The following MX2 variants were observed in gnomAD, a reference collection of about 807,000 sequenced individuals.
The protein encoded by MX2 is interferon-induced GTP-binding protein Mx2.
A neutral mutation model predicts 74.0 loss-of-function variants in MX2; 51 were observed. The ratio of observed to expected loss-of-function variants is 0.69; its 90% confidence interval spans 0.55 to 0.87. The LOEUF (loss-of-function observed/expected upper bound fraction) is 0.87, where lower values mean the gene tolerates loss of function less well. MX2 is among the 40% of genes least tolerant of loss of function. The pLI, the probability that MX2 is intolerant of heterozygous loss-of-function variation, is 0.00. For synonymous variants in MX2, 369 were observed against 339.3 expected, an observed-to-expected ratio of 1.09 and a Z score of -0.96; for missense variants, 832 against 908.7, an observed-to-expected ratio of 0.92 and a Z score of 1.09.
chr21:41,372,194 C>T (rs1601393764), intron 1 of MX2, among the ~76,000 whole-genome samples: 1 of 152,168 alleles, frequency 6.6e-6, no homozygotes, highest in South Asian at 2.1e-4. Flanking sequence ...ATATTGGTTG[C>T]AGATGAGATA....
intron 1 of MX2, chr21:41,373,784 G>T (rs1339863012): frequency 1.4e-5 from 2 of 141,516 alleles, no homozygotes; most frequent in Admixed American, 1.4e-4. Context: ...AGCAGGCCTT[G>T]CTTTCCCAGA....
At chr21:41,379,177 CCTT>C (rs1228926300) in intron 3 of MX2, among the ~76,000 whole-genome samples, 1 of 152,190 alleles carries the variant, frequency 6.6e-6, no homozygotes, top group African/African-American at 2.4e-5. Flanking sequence ...GATGGCCAGT[CCTT>C]CTCCGTGCTC....
chr21:41,364,021 G>A (rs978804875), intron 1 of MX2: 3 of 154,560 alleles, frequency 1.9e-5, no homozygotes, highest in African/African-American at 7.2e-5. Flanking sequence ...TCATCTGCAG[G>A]ACAGGCTCTC....
At chr21:41,401,483 T>G (rs187877853) in intron 10 of MX2, 3 of 152,836 alleles carry the variant, frequency 2.0e-5, no homozygotes, top group Non-Finnish European at 4.4e-5. Context: ...TGGAGCACAG[T>G]GGTGTGATCA....
intron 6 of MX2, among the ~76,000 whole-genome samples, chr21:41,394,626 C>T (rs1363628291): frequency 2.0e-5 from 3 of 152,138 alleles, no homozygotes; most frequent in African/African-American, 7.2e-5. Context: ...GACTTACCCA[C>T]AAATTAAAAC....
intron 1 of MX2, among the ~76,000 whole-genome samples, chr21:41,371,681 CG>C (rs1423970981): frequency 1.3e-5 from 2 of 152,168 alleles, no homozygotes; most frequent in Non-Finnish European, 2.9e-5. Flanking sequence ...GAGACGGTCA[CG>C]CCAATAGCCT....
At chr21:41,378,262 G>A (rs1352733777) in intron 3 of MX2, among the ~76,000 whole-genome samples, 1 of 142,370 alleles carries the variant, frequency 7.0e-6, no homozygotes, top group Non-Finnish European at 1.5e-5. Context: ...TGCTGGGAGG[G>A]ACAGGCCATT....
At chr21:41,377,212 G>T (rs1483982109) in intron 2 of MX2, 57 bp downstream of exon 2, 15 of 1,598,026 alleles carry the variant, frequency 9.4e-6, no homozygotes, top group African/African-American at 1.3e-5. Context: ...GGTGCAGAGG[G>T]CTGTCATGTA....
chr21:41,369,140 C>T (rs550138750), intron 1 of MX2, among the ~76,000 whole-genome samples: 6 of 152,340 alleles, frequency 3.9e-5, no homozygotes, highest in South Asian at 2.1e-4. Flanking sequence ...TTTTACGAAC[C>T]CAGGGCTAGT....
chr21:41,399,065 GTGGC>G, intron 9 of MX2, 46 bp downstream of exon 9: 1 of 1,599,306 alleles, frequency 6.3e-7, no homozygotes, highest in Non-Finnish European at 8.6e-7. Flanking sequence ...TCCTTCCCTG[GTGGC>G]CCTGCAGCTG....
chr21:41,381,437 G>GGCT (rs774255154), intron 4 of MX2, among the ~76,000 whole-genome samples: 142 of 152,298 alleles, frequency 9.3e-4, no homozygotes, highest in Admixed American at 3.0e-3. Flanking sequence ...TGTAATCCCA[G>GGCT]CACTTTGGGA....
chr21:41,371,060 A>G (rs1264310210), intron 1 of MX2, among the ~76,000 whole-genome samples: 1 of 152,240 alleles, frequency 6.6e-6, no homozygotes, highest in Non-Finnish European at 1.5e-5. Context: ...AGTAAATTAG[A>G]AAACGTGGTT....
At chr21:41,386,219 C>CAAAAAAAAAA (rs59005802) in intron 5 of MX2, among the ~76,000 whole-genome samples, 3 of 32,022 alleles carry the variant, frequency 9.4e-5, no homozygotes, top group Non-Finnish European at 1.3e-4. Context: ...TACTCCATCT[C>CAAAAAAAAAA]AAAAAAAAAA....
rs1240272546 is a variant in MX2 at position 41,406,734 on chromosome 21, A to G, written c.1651-10A>G. 5 of 1,606,650 alleles carry G rather than the reference A, an allele frequency of 3.1e-6. No individual in the cohort carries two copies. Among genetic ancestry groups the G allele is most frequent in the Non-Finnish European group, 4.3e-6 (5 of 1,176,458 alleles). On this transcript the variant is annotated splice_polypyrimidine_tract_variant and intron_variant, in intron 12 of 13. Coordinates refer to ENST00000330714, the MANE Select transcript of MX2 (RefSeq NM_002463.2). ...AAGAAGTAATGTGTTTGTCTTTTTT[A>G]TCTAACCAGAGCACGATTGAAGACA...
In MX2 at chr21:41,406,878, G is replaced by T. The variant is rs757404067; in HGVS notation, c.1785G>T (p.Glu595Asp). 121 of 1,614,122 alleles carry T rather than the reference G, an allele frequency of 7.5e-5. No homozygotes were observed. Among genetic ancestry groups the T allele is most frequent in the Non-Finnish European group, 9.9e-5 (117 of 1,180,052 alleles). ...TTGTTCTGAAGAAAGTCCGAGAAGA[G>T]ATTTTTAACCCTCTGGGGACGCCTT... ...YSVVLKKVRE[E>D]IFNPLGTPSQ... The change falls in exon 13 of 14, where the codon GAG (glutamate) becomes GAT (aspartate). Residue 595 changes from glutamate (E) to aspartate (D), a missense_variant. Glu to Asp is a conservative substitution (Grantham distance 45). Coordinates refer to ENST00000330714, the MANE Select transcript of MX2 (RefSeq NM_002463.2).
In MX2 at chr21:41,368,084, G is replaced by A. The variant is rs138570754; in HGVS notation, c.-72+6029G>A. The stretch of plus-strand genomic sequence containing the variant: ...ATGCTCTGCATTTATACTGGGCTGC[G>A]GAAGCTCCCACGTGGGGACCAAGCC... On this transcript the variant is annotated intron_variant, in intron 1 of 13. Transcript: ENST00000330714. The surrounding 1 kb of genome is among the most constrained non-coding windows in gnomAD (Gnocchi z 4.6). Among the ~76,000 whole-genome samples, 19 of 152,230 alleles carry A rather than the reference G, an allele frequency of 1.2e-4. No individual in the cohort carries two copies. Among genetic ancestry groups the A allele is most frequent in the Non-Finnish European group, 1.8e-4 (12 of 68,018 alleles).
Position 41,408,265 on chromosome 21 carries a change from G to T in MX2, c.*32G>T, listed in dbSNP as rs922487948. On this transcript the variant is annotated 3_prime_UTR_variant, in exon 14 of 14. Coordinates refer to ENST00000330714, the MANE Select transcript of MX2 (RefSeq NM_002463.2). ...GCGATGCCTGTGGTTGTTTTCTTGTGCGTACTCATTCATTCTAAGGGGAGT... is the reference window on the plus strand; with the variant it reads ...GCGATGCCTGTGGTTGTTTTCTTGTTCGTACTCATTCATTCTAAGGGGAGT... The T allele has an allele frequency of 1.2e-6, 2 of 1,609,924 alleles. No homozygotes were observed. The highest frequency in any genetic ancestry group is 1.7e-6 in the Non-Finnish European group (2 of 1,177,512).
intron 2 of MX2, 152 bp downstream of exon 2, chr21:41,377,307 C>T (rs982917244): frequency 1.7e-6 from 2 of 1,172,604 alleles, no homozygotes; most frequent in African/African-American, 3.1e-5. Context: ...CCAACAAGTA[C>T]CAGGAACATA....
chr21:41,362,456 T>G (rs954266219), intron 1 of MX2, among the ~76,000 whole-genome samples: 1 of 152,018 alleles, frequency 6.6e-6, no homozygotes, highest in African/African-American at 2.4e-5. Context: ...CCTTCTTTTG[T>G]GGTATTTGTG....
Sources: allele counts gnomAD v4.1 joint callset (sites outside exome capture counted in the v4.1 genomes callset), GRCh38; gene constraint gnomAD v4.1.1; non-coding constraint Gnocchi (gnomAD v3.1); transcripts MANE v1.5; gene names NCBI Gene and HGNC (gene_info 2026-07-23, HGNC 2026-07-21).